ADAMTS9: variants seen among roughly 807,000 people sequenced by gnomAD.
The protein encoded by ADAMTS9 is ADAM metallopeptidase with thrombospondin type 1 motif 9.
A neutral mutation model predicts 257.1 loss-of-function variants in ADAMTS9; 107 were observed. That is an observed-to-expected ratio of 0.42 (90% CI 0.36 to 0.49). The LOEUF (loss-of-function observed/expected upper bound fraction) is 0.49. Among genes scored for constraint, ADAMTS9 ranks in the 20% least tolerant of loss-of-function variants. ADAMTS9 has a pLI of 0.03. For missense variants in ADAMTS9, 2,353 were observed against 2,469.1 expected (o/e 0.95, Z 1.00); for synonymous variants, 982 against 880.9 (o/e 1.11, Z -2.03).
intron 37 of ADAMTS9, among the ~76,000 whole-genome samples, chr3:64,536,610 G>A (rs2083053051): frequency 6.6e-6 from 1 of 152,168 alleles, no homozygotes; most frequent in Non-Finnish European, 1.5e-5. Context: ...AGACTCTACT[G>A]AGCGGCAGCT....
At position 64,656,237 on chromosome 3, in the gene ADAMTS9, C is replaced by T. The variant is rs534306933; in HGVS notation, c.970-362G>A. Among the ~76,000 whole-genome samples the T allele has an allele frequency of 5.9e-5, 9 of 152,204 alleles. No individual in the cohort carries two copies. In the South Asian group the frequency reaches 1.7e-3, roughly 28 times the overall value. On this transcript the variant is annotated intron_variant, in intron 4 of 39. Transcript: ENST00000498707. ...AATCTCACATTGGGTGCACGTTAGC[C>T]GACACTGCTATTCTTTAATGTTTGC...
chr3:64,613,671 T>A (rs1175843293), intron 21 of ADAMTS9, among the ~76,000 whole-genome samples, 162 bp from the exon 22 acceptor site: 2 of 152,216 alleles, frequency 1.3e-5, no homozygotes, highest in African/African-American at 4.8e-5. Flanking sequence ...TTCCTTTTGT[T>A]CGTTCATTTA....
In ADAMTS9 at chr3:64,687,492, C is replaced by G. The variant is rs1316964594; in HGVS notation, c.115+51G>C. The G allele has an allele frequency of 1.1e-5, 15 of 1,419,046 alleles. No individual in the cohort carries two copies. Among genetic ancestry groups the G allele is most frequent in the South Asian group, 2.8e-5 (2 of 72,476 alleles). The allele number at this position is 1,419,046 out of a possible 1,614,324, so 87.9% of individuals were successfully genotyped here. On this transcript the variant is annotated intron_variant, in intron 1 of 39. Coordinates refer to ENST00000498707, the MANE Select transcript of ADAMTS9 (RefSeq NM_182920.2). This position sits in a 1 kb window ranked among gnomAD's most constrained non-coding sequence, Gnocchi z 4.4. ...GGTGCCCCTGCCCAGGAGCGAGGAC[C>G]GGGAGGCGGCGTCGGGGCCGGCGGG... is the stretch of plus-strand genomic sequence containing the variant.
chr3:64,686,402 G>C lies in ADAMTS9; in HGVS notation c.516+166C>G, dbSNP rs1292925858. On this transcript the variant is annotated intron_variant, in intron 2 of 39. Coordinates refer to ENST00000498707, the MANE Select transcript of ADAMTS9 (RefSeq NM_182920.2). This position sits in a 1 kb window ranked among gnomAD's most constrained non-coding sequence, Gnocchi z 4.6. ...GCGCTCCACGCCAGTGTACTCGCACGCACAGAGCTAGCTACCCAAACCATA... is the reference window on the plus strand; with the variant it reads ...GCGCTCCACGCCAGTGTACTCGCACCCACAGAGCTAGCTACCCAAACCATA... 6.6e-6 allele frequency among the ~76,000 whole-genome samples: 1 copy of C among 152,260 alleles called. No individual in the cohort carries two copies. Among genetic ancestry groups the C allele is most frequent in the African/African-American group, 2.4e-5 (1 of 41,476 alleles).
In ADAMTS9 at chr3:64,681,371, T is replaced by A; in HGVS notation, c.517-8A>T. 6.2e-7 allele frequency: 1 copy of A among 1,606,094 alleles called. No homozygotes were observed. Among genetic ancestry groups the A allele is most frequent in the Non-Finnish European group, 8.5e-7 (1 of 1,176,670 alleles). ...AGACCGGAATGTGCCCAGCTGCAAATGAAGAGAGATGGGAGGTTGATTTAA... is the reference window on the plus strand; with the variant it reads ...AGACCGGAATGTGCCCAGCTGCAAAAGAAGAGAGATGGGAGGTTGATTTAA... On this transcript the variant is annotated splice_region_variant and splice_polypyrimidine_tract_variant and intron_variant, in intron 2 of 39. Coordinates refer to ENST00000498707, the MANE Select transcript of ADAMTS9 (RefSeq NM_182920.2).
chr3:64,644,330 T>C (rs1043301903), intron 11 of ADAMTS9, among the ~76,000 whole-genome samples: 14 of 152,196 alleles, frequency 9.2e-5, no homozygotes, highest in African/African-American at 1.4e-4. Context: ...TACTGAAATA[T>C]AGACAAGACT....
chr3:64,621,046 T>C, intron 19 of ADAMTS9, 68 bp downstream of exon 19: 1 of 1,538,832 alleles, frequency 6.5e-7, no homozygotes, highest in Admixed American at 2.1e-5. Context: ...CTTTTGCTTC[T>C]CCTGCTGGGA....
intron 26 of ADAMTS9, among the ~76,000 whole-genome samples, chr3:64,598,052 C>T (rs978405680): frequency 5.9e-5 from 9 of 152,152 alleles, no homozygotes; most frequent in South Asian, 2.1e-4. Flanking sequence ...CATCTTCTTC[C>T]GTATCAAGAT....
At chr3:64,560,616 G>T (rs767579830) in intron 30 of ADAMTS9, among the ~76,000 whole-genome samples, 6 of 152,090 alleles carry the variant, frequency 3.9e-5, no homozygotes, top group Non-Finnish European at 7.4e-5. Context: ...TGCAAAATGG[G>T]ATGATGATAA....
chr3:64,681,483 G>T, intron 2 of ADAMTS9, 120 bp from the exon 3 acceptor site: 1 of 1,084,616 alleles, frequency 9.2e-7, no homozygotes, highest in South Asian at 1.9e-5. Flanking sequence ...TTTTCAGGAG[G>T]GTTGTTTCAA....
chr3:64,616,102 T>C lies in ADAMTS9; in HGVS notation c.2882A>G (p.Tyr961Cys). The C allele has an allele frequency of 6.2e-7, 1 of 1,614,158 alleles. No individual in the cohort carries two copies. The highest frequency in any genetic ancestry group is 8.5e-7 in the Non-Finnish European group (1 of 1,180,000). ...ATCCAGCCTGCTATATTTGGCACAG[T>C]AGATGTCCAATGTGCGGTAACCCAA... ...CGLGYRTLDI[Y>C]CAKYSRLDGK... The change falls in exon 20 of 40, where the codon TAC becomes TGC. Residue 961 changes from tyrosine to cysteine, a missense_variant. Tyr to Cys is a radical substitution (Grantham distance 194, BLOSUM62 -2). Coordinates refer to ENST00000498707, the MANE Select transcript of ADAMTS9 (RefSeq NM_182920.2).
At chr3:64,576,342 C>T (rs1452694965) in intron 28 of ADAMTS9, among the ~76,000 whole-genome samples, 1 of 152,206 alleles carries the variant, frequency 6.6e-6, no homozygotes, top group Non-Finnish European at 1.5e-5. Flanking sequence ...CACAGTCACT[C>T]ACTTCCCTGC....
intron 11 of ADAMTS9, among the ~76,000 whole-genome samples, chr3:64,642,549 T>G (rs1462377480): frequency 6.6e-6 from 1 of 152,138 alleles, no homozygotes; most frequent in Admixed American, 6.5e-5. Flanking sequence ...CTAAACTTTA[T>G]GACTTGTTTG....
chr3:64,594,228 G>A, intron 28 of ADAMTS9, 30 bp downstream of exon 28: 1 of 1,591,146 alleles, frequency 6.3e-7, no homozygotes, highest in South Asian at 1.1e-5. Flanking sequence ...AGATAGTTTG[G>A]TTAACAAACA....
chr3:64,541,443 G>C (rs1224342034), intron 34 of ADAMTS9, 29 bp from the exon 35 acceptor site: 1 of 1,612,218 alleles, frequency 6.2e-7, no homozygotes, highest in Non-Finnish European at 8.5e-7. Context: ...CCCATGAAGA[G>C]TGGCTCAGAA....
At position 64,607,059 on chromosome 3, in the gene ADAMTS9, C is replaced by T. The variant is rs193189492; in HGVS notation, c.3375G>A (p.Gln1125=). The T allele has an allele frequency of 6.8e-6, 11 of 1,613,818 alleles. No individual in the cohort carries two copies. Among genetic ancestry groups the T allele is most frequent in the Middle Eastern group, 1.7e-4 (1 of 6,060 alleles). ...PWGQCSVTCG[Q]GYQLRAVKCI... Reference sequence around the variant, plus strand: ...ATTTCACTGCTCTTAGCTGGTATCCCTGTCCACAAGTGACACTGCACTGGA... The same window carrying T: ...ATTTCACTGCTCTTAGCTGGTATCCTTGTCCACAAGTGACACTGCACTGGA... The change falls in exon 23 of 40, where the codon CAG becomes CAA. Residue 1125 remains glutamine (Q), a synonymous_variant. Coordinates refer to ENST00000498707, the MANE Select transcript of ADAMTS9 (RefSeq NM_182920.2).
At chr3:64,579,496 CT>C (rs961281479) in intron 28 of ADAMTS9, among the ~76,000 whole-genome samples, 2 of 152,020 alleles carry the variant, frequency 1.3e-5, no homozygotes, top group East Asian at 1.9e-4. Context: ...ATATATTTGA[CT>C]TTTTTGTTTT....
At chr3:64,667,638 G>C (rs1358593570) in intron 3 of ADAMTS9, among the ~76,000 whole-genome samples, 1 of 152,062 alleles carries the variant, frequency 6.6e-6, no homozygotes, top group Non-Finnish European at 1.5e-5. Flanking sequence ...ATGAGAGCTG[G>C]GTGCACTACC....
At chr3:64,595,305 G>C (rs1480546148) in intron 27 of ADAMTS9, among the ~76,000 whole-genome samples, 1 of 152,152 alleles carries the variant, frequency 6.6e-6, no homozygotes, top group African/African-American at 2.4e-5. Flanking sequence ...AGCATGGTGG[G>C]AACACTGGAT....
Sources: allele counts gnomAD v4.1 joint callset (sites outside exome capture counted in the v4.1 genomes callset), GRCh38; gene constraint gnomAD v4.1.1; non-coding constraint Gnocchi (gnomAD v3.1); transcripts MANE v1.5; gene names NCBI Gene and HGNC (gene_info 2026-07-23, HGNC 2026-07-21).